The following PCDH15 variants were observed in gnomAD, a reference collection of about 807,000 sequenced individuals.
PCDH15 encodes protocadherin related 15, also known as protocadherin-15.
In PCDH15, 129 loss-of-function variants were observed where a neutral mutation model predicts 178.5. The ratio of observed to expected loss-of-function variants is 0.72; its 90% CI spans 0.63 to 0.84. PCDH15 has a LOEUF of 0.84. Ranked by LOEUF, PCDH15 falls within the 40% of genes least tolerant of loss-of-function variation. PCDH15 has a pLI of 0.00. For missense variants in PCDH15, 2,230 were observed against 2,099.9 expected, an observed-to-expected ratio of 1.06 and a Z score of -1.21; for synonymous variants, 800 against 732.0, an observed-to-expected ratio of 1.09 and a Z score of -1.50.
intron 1 of PCDH15, among the ~76,000 whole-genome samples, chr10:55,273,003 A>C (rs1012756882): frequency 6.6e-6 from 1 of 151,996 alleles, no homozygotes; most frequent in South Asian, 2.1e-4. Context: ...ACTGTGAAAA[A>C]CGAAGGCAGA....
intron 10 of PCDH15, among the ~76,000 whole-genome samples, chr10:54,198,280 G>A (rs1220981024): frequency 1.3e-5 from 2 of 152,040 alleles, no homozygotes; most frequent in African/African-American, 4.8e-5. Flanking sequence ...ACCAGGGCAA[G>A]AGGTAGAGTC....
At chr10:53,965,476 A>T (rs183522583) in intron 21 of PCDH15, among the ~76,000 whole-genome samples, 141 of 152,338 alleles carry the variant, frequency 9.3e-4, no homozygotes, top group African/African-American at 3.1e-3. Flanking sequence ...ACTAAAACCG[A>T]AGTCTTTTAA....
At chr10:54,051,632 A>T (rs1221364334) in intron 18 of PCDH15, among the ~76,000 whole-genome samples, 1 of 152,174 alleles carries the variant, frequency 6.6e-6, no homozygotes, top group Non-Finnish European at 1.5e-5. Flanking sequence ...AAGTCTGGAA[A>T]ATTTGCAGCC....
chr10:55,334,465 G>A (rs1290884162), intron 2 of PCDH15, among the ~76,000 whole-genome samples: 1 of 150,868 alleles, frequency 6.6e-6, no homozygotes, highest in East Asian at 1.9e-4. Flanking sequence ...GTGCCACCAT[G>A]CCTGGCTAAT....
chr10:55,248,115 G>A (rs1156478458), intron 1 of PCDH15, among the ~76,000 whole-genome samples: 3 of 150,736 alleles, frequency 2.0e-5, no homozygotes, highest in African/African-American at 4.9e-5. Flanking sequence ...ACAGAGGTTG[G>A]GGCTTTCTTA....
At chr10:54,607,640 A>C (rs553017841) in intron 2 of PCDH15, among the ~76,000 whole-genome samples, 1 of 152,250 alleles carries the variant, frequency 6.6e-6, no homozygotes. Context: ...TTGCCTTAGC[A>C]TAACGATTCA....
intron 13 of PCDH15, among the ~76,000 whole-genome samples, chr10:54,172,381 G>A (rs1158919948): frequency 1.3e-5 from 2 of 150,726 alleles, no homozygotes; most frequent in South Asian, 2.1e-4. Flanking sequence ...CCTATAAAAC[G>A]GCCCCACCCT....
chr10:55,268,852 A>C (rs55867439), intron 1 of PCDH15, among the ~76,000 whole-genome samples: 27,346 of 151,954 alleles, frequency 0.18, 3,476 homozygotes, highest in East Asian at 0.38. Flanking sequence ...ATTTTTTCTT[A>C]CTATTATGGA....
chr10:54,870,792 AT>A (rs1406422043), intron 3 of PCDH15, among the ~76,000 whole-genome samples: 33 of 14,938 alleles, frequency 2.2e-3, no homozygotes, highest in Non-Finnish European at 8.0e-4. Flanking sequence ...TCTCAAAAAA[AT>A]AAAAAAATAA....
At chr10:55,319,402 A>G (rs948918334) in intron 1 of PCDH15, among the ~76,000 whole-genome samples, 1 of 152,198 alleles carries the variant, frequency 6.6e-6, no homozygotes, top group Admixed American at 6.5e-5. Flanking sequence ...AAACAAATAT[A>G]AAACATATAG....
At chr10:54,376,557 A>G (rs1948467914) in intron 4 of PCDH15, among the ~76,000 whole-genome samples, 1 of 151,452 alleles carries the variant, frequency 6.6e-6, no homozygotes, top group African/African-American at 2.4e-5. Flanking sequence ...TCTCTACTAT[A>G]TCTTTGTAGA....
intron 1 of PCDH15, among the ~76,000 whole-genome samples, chr10:54,699,786 C>A (rs1037481122): frequency 3.3e-5 from 5 of 151,548 alleles, no homozygotes; most frequent in African/African-American, 1.2e-4. Context: ...TATTTAGCAT[C>A]TCAGTAGCAA....
At chr10:55,589,081 C>CAAAAAA (rs35940637) in intron 2 of PCDH15, among the ~76,000 whole-genome samples, 18 of 80,836 alleles carry the variant, frequency 2.2e-4, no homozygotes, top group Admixed American at 4.5e-4. Flanking sequence ...AATTCCGTGT[C>CAAAAAA]AAAAAAAAAA....
At chr10:54,046,321 G>T (rs760187989) in intron 18 of PCDH15, among the ~76,000 whole-genome samples, 8 of 152,088 alleles carry the variant, frequency 5.3e-5, no homozygotes, top group Non-Finnish European at 7.4e-5. Context: ...GCACATGAGC[G>T]CCAGGAGAAA....
chr10:54,163,173 G>A (rs1302007555), intron 13 of PCDH15, among the ~76,000 whole-genome samples: 2 of 152,062 alleles, frequency 1.3e-5, no homozygotes, highest in African/African-American at 2.4e-5. Flanking sequence ...ACTTCTGTAT[G>A]CACACAATAT....
intron 26 of PCDH15, among the ~76,000 whole-genome samples, chr10:53,868,152 T>C (rs1332286668): frequency 2.0e-5 from 3 of 152,082 alleles, no homozygotes; most frequent in Non-Finnish European, 2.9e-5. Flanking sequence ...AGAGGCTTGA[T>C]AAAAGACTAT....
chr10:53,975,512 TTGTG>T (rs1474005615), intron 21 of PCDH15, among the ~76,000 whole-genome samples: 4 of 152,190 alleles, frequency 2.6e-5, no homozygotes. Flanking sequence ...TGGTTTTGAT[TTGTG>T]TTTCTCTGAT....
rs1219638332 is a variant in PCDH15 at position 55,607,664 on chromosome 10, C to T, written c.-156+19961G>A. Among the ~76,000 whole-genome samples the T allele has an allele frequency of 1.9e-4, 27 of 143,130 alleles. No individual in the cohort carries two copies. The South Asian group carries it at 2.5e-3, about 13-fold the overall frequency. The allele number at this position is 143,130 out of a possible 152,430, so 93.9% of individuals were successfully genotyped here. A position where few individuals can be genotyped will look rare whatever the true frequency, so the allele number is the denominator to read the frequency against. On this transcript the variant is annotated intron_variant, in intron 2 of 5. Transcript: ENST00000613346. ...ATCACAAGAACAAAAAACCAAACAC[C>T]GCATATTCTCACTCATAGGTGGGAA...
intron 3 of PCDH15, among the ~76,000 whole-genome samples, chr10:54,458,270 TA>T (rs57183100): frequency 0.019 from 2,932 of 151,124 alleles, 89 homozygotes; most frequent in African/African-American, 0.067. Context: ...GAATTACTTT[TA>T]TTCACACTAC....
Sources: gnomAD v4.1 joint callset for allele counts (sites outside exome capture counted in the v4.1 genomes callset) on GRCh38, gnomAD v4.1.1 for gene constraint, MANE v1.5 for transcripts, NCBI Gene and HGNC (gene_info 2026-07-23, HGNC 2026-07-21) for gene names.